Variants in DPP10 observed in about 807,000 individuals in gnomAD.
DPP10 encodes dipeptidyl peptidase like 10.
In DPP10, 33 loss-of-function variants were observed where a neutral mutation model predicts 120.9. The ratio of observed to expected loss-of-function variants is 0.27; its 90% CI spans 0.21 to 0.37. DPP10 has a LOEUF of 0.37. DPP10 is among the 10% of genes least tolerant of loss of function. DPP10 has a pLI of 1.00. For missense variants in DPP10, 816 were observed against 942.8 expected (o/e 0.87, Z 1.76); for synonymous variants, 337 against 326.1 (o/e 1.03, Z -0.36).
At chr2:115,811,940 G>A (rs1335832981) in intron 19 of DPP10, among the ~76,000 whole-genome samples, 1 of 152,088 alleles carries the variant, frequency 6.6e-6, no homozygotes, top group African/African-American at 2.4e-5. Flanking sequence ...CTCAACATAA[G>A]CAAAATTTTC....
chr2:114,701,503 C>A (rs951392329), intron 1 of DPP10, among the ~76,000 whole-genome samples: 1 of 152,096 alleles, frequency 6.6e-6, no homozygotes, highest in African/African-American at 2.4e-5. Flanking sequence ...ATAAAATATT[C>A]TTTAACTCTT....
chr2:115,403,449 G>C (rs948961697), intron 3 of DPP10, among the ~76,000 whole-genome samples: 1 of 125,898 alleles, frequency 7.9e-6, no homozygotes, highest in East Asian at 2.6e-4. Flanking sequence ...GCCCAGGCTG[G>C]AATTCAGTGG....
At chr2:115,206,162 T>TA (rs2056108994) in intron 1 of DPP10, among the ~76,000 whole-genome samples, 1 of 152,184 alleles carries the variant, frequency 6.6e-6, no homozygotes, top group Non-Finnish European at 1.5e-5. Context: ...TTTATGAACA[T>TA]ACACCTATTT....
intron 5 of DPP10, among the ~76,000 whole-genome samples, chr2:115,534,018 G>A (rs971652609): frequency 6.6e-6 from 1 of 152,034 alleles, no homozygotes; most frequent in Non-Finnish European, 1.5e-5. Flanking sequence ...TTGGAAGCCA[G>A]TATTTACAAC....
At chr2:114,786,037 A>T (rs1682737128) in intron 1 of DPP10, among the ~76,000 whole-genome samples, 1 of 152,202 alleles carries the variant, frequency 6.6e-6, no homozygotes, top group South Asian at 2.1e-4. Flanking sequence ...TCTTATGCCA[A>T]TACCTCGTGC....
intron 1 of DPP10, among the ~76,000 whole-genome samples, chr2:115,090,121 T>C (rs1278176755): frequency 6.6e-6 from 1 of 152,142 alleles, no homozygotes; most frequent in Non-Finnish European, 1.5e-5. Flanking sequence ...TCTTCTTGAG[T>C]GTCACATTTG....
chr2:115,710,207 G>A lies in DPP10; in HGVS notation c.577-17609G>A, dbSNP rs554502073. Among the ~76,000 whole-genome samples the A allele has an allele frequency of 1.1e-4, 17 of 152,114 alleles. No homozygotes were observed. The East Asian group carries it at 1.2e-3, about 10-fold the overall frequency. ...AAAGAATAATATGATAGGGGAACTCGGATCTTCAGGAATGAAAGAAGAACA... is the reference window on the plus strand; with the variant it reads ...AAAGAATAATATGATAGGGGAACTCAGATCTTCAGGAATGAAAGAAGAACA... On this transcript the variant is annotated intron_variant, in intron 7 of 25. Coordinates refer to ENST00000410059, the MANE Select transcript of DPP10 (RefSeq NM_020868.6).
intron 1 of DPP10, among the ~76,000 whole-genome samples, chr2:115,105,724 T>C (rs1423463910): frequency 6.6e-6 from 1 of 152,242 alleles, no homozygotes; most frequent in East Asian, 1.9e-4. Context: ...GCTCCAAGTC[T>C]ATTAAGTTAA....
At chr2:115,093,580 T>C (rs1709462689) in intron 1 of DPP10, among the ~76,000 whole-genome samples, 1 of 152,004 alleles carries the variant, frequency 6.6e-6, no homozygotes, top group African/African-American at 2.4e-5. Context: ...GCCTAGGAAA[T>C]AGTACATATC....
intron 1 of DPP10, among the ~76,000 whole-genome samples, chr2:115,108,075 T>A (rs1189707271): frequency 6.6e-6 from 1 of 152,188 alleles, no homozygotes; most frequent in Admixed American, 6.5e-5. Flanking sequence ...TGGTACTGGT[T>A]TTCACTTTCA....
At chr2:115,582,844 C>T (rs759044489) in intron 5 of DPP10, among the ~76,000 whole-genome samples, 1 of 152,152 alleles carries the variant, frequency 6.6e-6, no homozygotes, top group African/African-American at 2.4e-5. Context: ...ATCACTTATT[C>T]TCTTGAATGC....
At chr2:114,820,114 AAC>A (rs1685967453) in intron 1 of DPP10, among the ~76,000 whole-genome samples, 1 of 152,192 alleles carries the variant, frequency 6.6e-6, no homozygotes, top group African/African-American at 2.4e-5. Context: ...AAATTTCAAA[AAC>A]ACATTTATCC....
chr2:114,606,100 C>T (rs974712483), intron 1 of DPP10, among the ~76,000 whole-genome samples: 2 of 152,070 alleles, frequency 1.3e-5, no homozygotes, highest in Non-Finnish European at 2.9e-5. Context: ...ATTTAGTATT[C>T]AATAAAGCTT....
At chr2:115,381,130 T>A (rs551748316) in intron 3 of DPP10, among the ~76,000 whole-genome samples, 1 of 152,350 alleles carries the variant, frequency 6.6e-6, no homozygotes, top group East Asian at 1.9e-4. Context: ...TTCTCCTGGA[T>A]AATATCCTGC....
Position 115,619,555 on chromosome 2 carries a change from C to T in DPP10, c.442-70132C>T, listed in dbSNP as rs139966010. On this transcript the variant is annotated intron_variant, in intron 5 of 25. Coordinates refer to ENST00000410059, the MANE Select transcript of DPP10 (RefSeq NM_020868.6). ...AGTCCCATTGTCAAGTATACACTTA[C>T]GGTTTCCTGACTAGGCCAAGTGGTT... Among the ~76,000 whole-genome samples the T allele has an allele frequency of 2.9e-3, 447 of 152,272 alleles. 5 individuals carry two copies. Among genetic ancestry groups the T allele is most frequent in the Non-Finnish European group, 3.7e-3 (250 of 68,028 alleles).
Position 115,607,316 on chromosome 2 carries a change from T to C in DPP10, c.441+81344T>C, listed in dbSNP as rs115458878. The stretch of plus-strand genomic sequence containing the variant: ...ATAATATAAGAAATTAGATGTTTTC[T>C]CACAAGATAAATTTAACATAGATAG... On this transcript the variant is annotated intron_variant, in intron 5 of 25. Coordinates refer to ENST00000410059, the MANE Select transcript of DPP10 (RefSeq NM_020868.6). Among the ~76,000 whole-genome samples the C allele has an allele frequency of 3.6e-3, 550 of 152,276 alleles. 3 individuals are homozygous for C. Among genetic ancestry groups the C allele is most frequent in the African/African-American group, 0.013 (538 of 41,564 alleles).
intron 2 of DPP10, among the ~76,000 whole-genome samples, chr2:115,319,956 T>G (rs1449267403): frequency 6.6e-6 from 1 of 152,178 alleles, no homozygotes; most frequent in African/African-American, 2.4e-5. Flanking sequence ...CCCTAATAAT[T>G]ACCTCTCAAA....
intron 3 of DPP10, among the ~76,000 whole-genome samples, chr2:115,398,245 T>G (rs770986136): frequency 3.6e-4 from 54 of 152,050 alleles, no homozygotes; most frequent in Non-Finnish European, 7.2e-4. Context: ...AAGCAGTGCT[T>G]AAGAAATTGG....
chr2:114,742,332 AAGG>A (rs1374666686), intron 1 of DPP10, among the ~76,000 whole-genome samples: 4 of 152,218 alleles, frequency 2.6e-5, no homozygotes, highest in African/African-American at 9.6e-5. Flanking sequence ...GGAAAAAGAA[AAGG>A]AGAAGAAGAA....
Sources: gnomAD v4.1 joint callset for allele counts (sites outside exome capture counted in the v4.1 genomes callset) on GRCh38, gnomAD v4.1.1 for gene constraint, MANE v1.5 for transcripts, NCBI Gene and HGNC (gene_info 2026-07-23, HGNC 2026-07-21) for gene names.